The following LNX2 variants were observed in gnomAD, a reference collection of about 807,000 sequenced individuals.
LNX2 encodes the protein ligand of numb-protein X 2, also known as ligand of Numb protein X 2.
LNX2 carries 35 observed loss-of-function variants against 66.2 expected under a neutral mutation model. The observed-to-expected ratio is 0.53, with a 90% CI of 0.40 to 0.70. The LOEUF (loss-of-function observed/expected upper bound fraction) is 0.70, where lower values mean the gene tolerates loss of function less well. Among genes scored for constraint, LNX2 ranks in the 30% least tolerant of loss-of-function variants. The probability of loss-of-function intolerance (pLI) is 0.00; values close to 1 mark genes in which losing one functional copy is unlikely to be tolerated. For missense variants in LNX2, 791 were observed against 850.8 expected (o/e 0.93, Z 0.87); for synonymous variants, 337 against 315.6 (o/e 1.07, Z -0.72).
chr13:27,575,675 G>A (rs1955334055), intron 2 of LNX2, among the ~76,000 whole-genome samples: 1 of 152,074 alleles, frequency 6.6e-6, no homozygotes, highest in Non-Finnish European at 1.5e-5. Flanking sequence ...AGCAGAACGT[G>A]TAATTTTTCA....
At chr13:27,553,571 CATTT>C (rs1955028878) in intron 7 of LNX2, 132 bp from the exon 8 acceptor site, 1 of 607,604 alleles carries the variant, frequency 1.6e-6, no homozygotes, top group Non-Finnish European at 2.9e-6. Flanking sequence ...TAATAAATGG[CATTT>C]ATTATTTCTT....
chr13:27,614,021 C>T (rs1422907297), intron 1 of LNX2, among the ~76,000 whole-genome samples: 1 of 152,174 alleles, frequency 6.6e-6, no homozygotes, highest in African/African-American at 2.4e-5. Flanking sequence ...GAAAACATAG[C>T]AGTGGGGAGA....
intron 6 of LNX2, among the ~76,000 whole-genome samples, chr13:27,559,473 GT>G (rs1030941788): frequency 2.0e-5 from 3 of 152,096 alleles, no homozygotes; most frequent in Non-Finnish European, 4.4e-5. Context: ...CTTGTCTTAT[GT>G]TTTTTCATCA....
At chr13:27,553,460 G>C (rs1955027772) in intron 7 of LNX2, 21 bp from the exon 8 acceptor site, 1 of 1,588,054 alleles carries the variant, frequency 6.3e-7, no homozygotes, top group Non-Finnish European at 8.6e-7. Flanking sequence ...GAAGAAACAA[G>C]AAAAATGAGC....
chr13:27,561,408 C>G (rs577903313), intron 5 of LNX2, among the ~76,000 whole-genome samples: 6 of 152,230 alleles, frequency 3.9e-5, no homozygotes, highest in Non-Finnish European at 8.8e-5. Flanking sequence ...TCCACTCTTA[C>G]AAGATGAGCT....
At chr13:27,619,196 AACTC>A (rs2138502246) in intron 1 of LNX2, among the ~76,000 whole-genome samples, 1 of 152,326 alleles carries the variant, frequency 6.6e-6, no homozygotes, top group East Asian at 1.9e-4. Context: ...CCCATGGGAA[AACTC>A]ACATGTGGGA....
chr13:27,620,135 G>A (rs1005976736), intron 1 of LNX2, among the ~76,000 whole-genome samples: 7 of 150,768 alleles, frequency 4.6e-5, no homozygotes, highest in African/African-American at 1.5e-4. Context: ...CAGGCGGCGG[G>A]CACCGGGCGC....
chr13:27,604,919 G>A (rs1955698160), intron 1 of LNX2, among the ~76,000 whole-genome samples: 1 of 149,140 alleles, frequency 6.7e-6, no homozygotes, highest in African/African-American at 2.5e-5. Flanking sequence ...GGGAAAAACA[G>A]ACCTTTTCTG....
Position 27,569,074 on chromosome 13 carries a change from G to A in LNX2, c.610C>T (p.Pro204Ser), listed in dbSNP as rs34695616. 29 of 1,613,822 alleles carry A rather than the reference G, an allele frequency of 1.8e-5. No homozygotes were observed. The African/African-American group carries it at 3.1e-4, about 17-fold the overall frequency. The change falls in exon 3 of 10, where the codon CCT (proline) becomes TCT (serine). Residue 204 changes from proline to serine, a missense_variant. Pro to Ser is a moderately conservative substitution (Grantham distance 74). Coordinates refer to ENST00000316334, the MANE Select transcript of LNX2 (RefSeq NM_153371.4). ...SASLSTWSEE[P>S]GLDNPAFEES... ...TCAAAGGCAGGGTTGTCAAGGCCAG[G>A]CTCCTCACTCCATGTGGAAAGAGAC...
chr13:27,606,692 A>G (rs1316397524), intron 1 of LNX2, among the ~76,000 whole-genome samples: 2 of 152,140 alleles, frequency 1.3e-5, no homozygotes, highest in Non-Finnish European at 2.9e-5. Context: ...ACAGCAGTCA[A>G]CTCCAGGCGA....
intron 2 of LNX2, among the ~76,000 whole-genome samples, chr13:27,579,840 C>T (rs183464649): frequency 4.6e-5 from 7 of 152,256 alleles, no homozygotes; most frequent in Admixed American, 4.6e-4. Context: ...TTCAAAAGAC[C>T]AGTGTCAGTT....
chr13:27,587,622 A>G (rs1955501996), intron 1 of LNX2, among the ~76,000 whole-genome samples: 1 of 152,224 alleles, frequency 6.6e-6, no homozygotes, highest in Non-Finnish European at 1.5e-5. Flanking sequence ...TACTCCCTTT[A>G]ATCTACAAAG....
intron 1 of LNX2, among the ~76,000 whole-genome samples, chr13:27,614,233 C>T (rs1464571632): frequency 6.6e-6 from 1 of 152,222 alleles, no homozygotes; most frequent in East Asian, 1.9e-4. Context: ...AAGGTATAGA[C>T]ATAAACAATT....
chr13:27,587,492 G>T (rs1955499952), intron 1 of LNX2, among the ~76,000 whole-genome samples: 1 of 152,126 alleles, frequency 6.6e-6, no homozygotes, highest in Admixed American at 6.5e-5. Flanking sequence ...AATGCAAAAA[G>T]GGTCCTGATA....
At chr13:27,554,023 T>G (rs140226190) in intron 7 of LNX2, among the ~76,000 whole-genome samples, 1 of 152,140 alleles carries the variant, frequency 6.6e-6, no homozygotes, top group African/African-American at 2.4e-5. Context: ...CTAAGTAATA[T>G]AATAAAAAAT....
chr13:27,567,756 T>C lies in LNX2; in HGVS notation c.739A>G (p.Ile247Val), dbSNP rs551664050. 6.8e-6 allele frequency: 11 copies of C among 1,613,940 alleles called. No homozygotes were observed. The South Asian group carries it at 9.9e-5, about 15-fold the overall frequency. Reference sequence around the variant, plus strand: ...GTTTCGTTGCCACCCACAATGCTGATTCCTAACTGAATGTAAGGATTGGAC... The same window carrying C: ...GTTTCGTTGCCACCCACAATGCTGACTCCTAACTGAATGTAAGGATTGGAC... ...HRSNPYIQLG[I>V]SIVGGNETPL... Residue 247 changes from isoleucine (I) to valine (V), a missense_variant, in exon 4 of 10, where the codon ATC (isoleucine) becomes GTC (valine). Coordinates refer to ENST00000316334, the MANE Select transcript of LNX2 (RefSeq NM_153371.4).
At chr13:27,599,468 T>C (rs1955632268) in intron 1 of LNX2, among the ~76,000 whole-genome samples, 1 of 152,204 alleles carries the variant, frequency 6.6e-6, no homozygotes, top group South Asian at 2.1e-4. Context: ...ATTTGGGATA[T>C]AACTTCCTCT....
rs759833722 is a variant in LNX2, at chr13:27,562,747, T to C, written c.890A>G (p.Asn297Ser). The change falls in exon 5 of 10, where the codon AAC (asparagine) becomes AGC (serine). Residue 297 changes from asparagine to serine, a missense_variant. Coordinates refer to ENST00000316334, the MANE Select transcript of LNX2 (RefSeq NM_153371.4). ...CTGGGAAAGGACAGCTCGGGCATAG[T>C]TATGGGACACATTGCTGATATTGTA... is the stretch of plus-strand genomic sequence containing the variant. ...NNYNISNVSH[N>S]YARAVLSQPC... The C allele has an allele frequency of 6.2e-7, 1 of 1,613,700 alleles. No individual in the cohort carries two copies. Among genetic ancestry groups the C allele is most frequent in the Non-Finnish European group, 8.5e-7 (1 of 1,179,754 alleles).
chr13:27,577,459 A>C (rs568332131), intron 2 of LNX2, among the ~76,000 whole-genome samples: 198 of 152,180 alleles, frequency 1.3e-3, no homozygotes, highest in Non-Finnish European at 2.3e-3. Flanking sequence ...GGGTTGTCCA[A>C]TCTTTTGGCT....
Sources: gnomAD v4.1 joint callset for allele counts (sites outside exome capture counted in the v4.1 genomes callset) on GRCh38, gnomAD v4.1.1 for gene constraint, MANE v1.5 for transcripts, NCBI Gene and HGNC (gene_info 2026-07-23, HGNC 2026-07-21) for gene names.